The following MAN1A1 variants were observed in gnomAD, a reference collection of about 807,000 sequenced individuals.
The protein encoded by MAN1A1 is mannosidase alpha class 1A member 1.
In MAN1A1, 29 loss-of-function variants were observed where a neutral mutation model predicts 70.8. The ratio of observed to expected loss-of-function variants is 0.41; its 90% CI spans 0.31 to 0.56. The LOEUF (loss-of-function observed/expected upper bound fraction) is 0.56. MAN1A1 is among the 20% of genes least tolerant of loss of function. The pLI, the probability that MAN1A1 is intolerant of heterozygous loss-of-function variation, is 0.29. For missense variants in MAN1A1, 747 were observed against 841.3 expected (o/e 0.89, Z 1.39); for synonymous variants, 349 against 330.1 (o/e 1.06, Z -0.62).
chr6:119,306,997 A>G lies in MAN1A1; in HGVS notation c.604-5T>C, dbSNP rs904254417. The G allele has an allele frequency of 6.6e-7, 1 of 1,519,916 alleles. No individual in the cohort carries two copies. Among genetic ancestry groups the G allele is most frequent in the Admixed American group, 1.7e-5 (1 of 58,734 alleles). 94.2% of individuals were successfully genotyped at this position (1,519,916 alleles called of 1,614,324 possible). A position where few individuals can be genotyped will look rare whatever the true frequency, so the allele number is the denominator to read the frequency against. On this transcript the variant is annotated splice_polypyrimidine_tract_variant and splice_region_variant and intron_variant, in intron 2 of 12. Transcript: ENST00000368468. Reference sequence around the variant, plus strand: ...ATTCCAAGCATGTTTCATCATCTGAAAAAAAAAATAAAAACAGGATTATAA... The same window carrying G: ...ATTCCAAGCATGTTTCATCATCTGAGAAAAAAAATAAAAACAGGATTATAA...
At chr6:119,287,383 A>G (rs1776404670) in intron 5 of MAN1A1, among the ~76,000 whole-genome samples, 1 of 152,138 alleles carries the variant, frequency 6.6e-6, no homozygotes, top group African/African-American at 2.4e-5. Context: ...GTATAGTCAC[A>G]TAAATTCTTT....
chr6:119,190,317 T>C (rs1773409212), intron 9 of MAN1A1, among the ~76,000 whole-genome samples: 1 of 152,194 alleles, frequency 6.6e-6, no homozygotes. Context: ...GCAGAACTCT[T>C]CCTTTCACTT....
intron 10 of MAN1A1, 53 bp from the exon 11 acceptor site, chr6:119,188,630 A>C (rs1041625882): frequency 6.7e-7 from 1 of 1,482,752 alleles, no homozygotes. Flanking sequence ...CAGTGCTTAC[A>C]GTCAATAACT....
intron 6 of MAN1A1, among the ~76,000 whole-genome samples, chr6:119,239,475 C>T (rs912050364): frequency 1.8e-4 from 27 of 152,212 alleles, no homozygotes; most frequent in Admixed American, 5.2e-4. Context: ...TTAATGTATC[C>T]ACTGAGACTG....
chr6:119,301,137 A>G (rs1772379386), intron 4 of MAN1A1, among the ~76,000 whole-genome samples: 1 of 152,198 alleles, frequency 6.6e-6, no homozygotes, highest in South Asian at 2.1e-4. Flanking sequence ...GCTTACCCGA[A>G]AGACAAGAGA....
At chr6:119,342,552 C>A (rs1773625055) in intron 2 of MAN1A1, among the ~76,000 whole-genome samples, 1 of 152,134 alleles carries the variant, frequency 6.6e-6, no homozygotes, top group Non-Finnish European at 1.5e-5. Context: ...CAGACGGTCA[C>A]AAAGCAAGAG....
At chr6:119,196,325 TA>T (rs3839392) in intron 8 of MAN1A1, among the ~76,000 whole-genome samples, 115,786 of 146,744 alleles carry the variant, frequency 0.79, 45,668 homozygotes, top group African/African-American at 0.83. Context: ...AATTTCACAT[TA>T]AAAAAAAAAA....
chr6:119,199,024 A>G (rs1490450973), intron 8 of MAN1A1, among the ~76,000 whole-genome samples: 6 of 152,244 alleles, frequency 3.9e-5, no homozygotes, highest in African/African-American at 2.4e-5. Flanking sequence ...TGTTTTCCAT[A>G]TATGATCTTA....
intron 6 of MAN1A1, among the ~76,000 whole-genome samples, chr6:119,208,737 T>C (rs1773957740): frequency 6.6e-6 from 1 of 152,224 alleles, no homozygotes; most frequent in Non-Finnish European, 1.5e-5. Flanking sequence ...ATGATTCAAC[T>C]AGTTGGAGGA....
rs1202054518 is a variant in MAN1A1 at position 119,232,260 on chromosome 6, C to G, written c.992+16000G>C. Among the ~76,000 whole-genome samples, 21 of 151,030 alleles carry G rather than the reference C, an allele frequency of 1.4e-4. 1 individual carries two copies. The highest frequency in any genetic ancestry group is 1.2e-3 in the Admixed American group (18 of 15,066). ...TGGTGGTGGGCACCTGTAGTCCCAG[C>G]TACTCGGGAGGCTGAGGCAAGAGAA... On this transcript the variant is annotated intron_variant, in intron 6 of 12. Transcript: ENST00000368468.
chr6:119,186,422 G>T (rs188085581), intron 11 of MAN1A1, among the ~76,000 whole-genome samples: 1 of 152,276 alleles, frequency 6.6e-6, no homozygotes, highest in East Asian at 1.9e-4. Context: ...AGTGGGAAAA[G>T]CAAAACAGGG....
chr6:119,219,185 T>C (rs1309676999), intron 6 of MAN1A1, among the ~76,000 whole-genome samples: 1 of 152,222 alleles, frequency 6.6e-6, no homozygotes, highest in Non-Finnish European at 1.5e-5. Flanking sequence ...ATTTCACTGA[T>C]TTATTTTTTC....
intron 9 of MAN1A1, among the ~76,000 whole-genome samples, chr6:119,190,347 A>T (rs1773410013): frequency 6.6e-6 from 1 of 152,156 alleles, no homozygotes; most frequent in Non-Finnish European, 1.5e-5. Flanking sequence ...TGGAGGGATA[A>T]CAAAATAGAG....
intron 2 of MAN1A1, among the ~76,000 whole-genome samples, chr6:119,331,164 G>A (rs1284456333): frequency 1.3e-5 from 2 of 152,076 alleles, no homozygotes; most frequent in African/African-American, 2.4e-5. Context: ...TATACTGTCC[G>A]GATCTCTTAA....
intron 6 of MAN1A1, among the ~76,000 whole-genome samples, chr6:119,232,192 G>A (rs1283336325): frequency 6.6e-6 from 1 of 151,838 alleles, no homozygotes; most frequent in Non-Finnish European, 1.5e-5. Context: ...CTAACACAGT[G>A]AAACCTCGTC....
chr6:119,335,280 C>G (rs1473556177), intron 2 of MAN1A1, among the ~76,000 whole-genome samples: 2 of 152,168 alleles, frequency 1.3e-5, no homozygotes, highest in African/African-American at 4.8e-5. Flanking sequence ...TAAGTACATA[C>G]TATGTATTGA....
At chr6:119,248,162 A>G in intron 6 of MAN1A1, 98 bp downstream of exon 6, 1 of 762,280 alleles carries the variant, frequency 1.3e-6, no homozygotes, top group Non-Finnish European at 2.2e-6. Flanking sequence ...GTTAGTCACC[A>G]GTATCATATA....
At chr6:119,319,153 C>A (rs181396856) in intron 2 of MAN1A1, among the ~76,000 whole-genome samples, 38 of 152,076 alleles carry the variant, frequency 2.5e-4, no homozygotes, top group African/African-American at 9.2e-4. Flanking sequence ...ATATGTGATA[C>A]AGTACCATCT....
At chr6:119,203,247 T>C (rs989932449) in intron 7 of MAN1A1, among the ~76,000 whole-genome samples, 2 of 152,096 alleles carry the variant, frequency 1.3e-5, no homozygotes, top group South Asian at 2.1e-4. Flanking sequence ...GGCTATCCCA[T>C]GTTAGTCAGA....
Sources: allele counts gnomAD v4.1 joint callset (sites outside exome capture counted in the v4.1 genomes callset), GRCh38; gene constraint gnomAD v4.1.1; transcripts MANE v1.5; gene names NCBI Gene and HGNC (gene_info 2026-07-23, HGNC 2026-07-21).